EFL1: variants seen among roughly 807,000 people sequenced by gnomAD.
EFL1 encodes elongation factor-like GTPase 1.
A neutral mutation model predicts 126.7 loss-of-function variants in EFL1; 76 were observed. That is an observed-to-expected ratio of 0.60 (90% CI 0.50 to 0.73). The LOEUF (loss-of-function observed/expected upper bound fraction) is 0.73, where lower values mean the gene tolerates loss of function less well. Among genes scored for constraint, EFL1 ranks in the 30% least tolerant of loss-of-function variants. The probability of loss-of-function intolerance (pLI) is 0.00; values close to 1 mark genes in which losing one functional copy is unlikely to be tolerated. For synonymous variants in EFL1, 410 were observed against 448.4 expected (o/e 0.91, Z 1.08); for missense variants, 1,128 against 1,343.2 (o/e 0.84, Z 2.50).
intron 19 of EFL1, among the ~76,000 whole-genome samples, chr15:82,131,115 G>A (rs2073638228): frequency 1.3e-5 from 2 of 152,038 alleles, no homozygotes; most frequent in South Asian, 2.1e-4. Context: ...TGCTCCTAGC[G>A]CCAGTTCATA....
intron 18 of EFL1, among the ~76,000 whole-genome samples, chr15:82,144,026 A>G (rs1423461623): frequency 6.6e-6 from 1 of 152,120 alleles, no homozygotes; most frequent in Non-Finnish European, 1.5e-5. Flanking sequence ...TGTTAAACCA[A>G]CCAAGTGTCC....
chr15:82,151,468 G>C lies in EFL1; in HGVS notation c.2986C>G (p.Leu996Val), dbSNP rs753483096. The C allele has an allele frequency of 1.7e-5, 28 of 1,605,474 alleles. No homozygotes were observed. Among genetic ancestry groups the C allele is most frequent in the Non-Finnish European group, 2.2e-5 (26 of 1,176,566 alleles). Residue 996 changes from leucine to valine, a missense_variant, in exon 18 of 20, where the codon CTC (leucine) becomes GTC (valine). Leu to Val is a conservative substitution (Grantham distance 32). Around this residue, in one of 6 missense-constraint regions of EFL1, gnomAD observed 561 missense variants for 641.7 expected, o/e 0.87. Coordinates refer to ENST00000268206, the MANE Select transcript of EFL1 (RefSeq NM_024580.6). ...TCDIMATGDV[L>V]GRVYAVLSKR... ...ATCTTTACCTTTTCTTCCTTACCGA[G>C]AACATCACCAGTGGCCATGATGTCA... is the stretch of plus-strand genomic sequence containing the variant.
chr15:82,217,643 C>T (rs2074664755), intron 14 of EFL1, among the ~76,000 whole-genome samples: 1 of 151,932 alleles, frequency 6.6e-6, no homozygotes, highest in Admixed American at 6.6e-5. Context: ...GGTTGTAAAA[C>T]TATAAAGAAA....
chr15:82,168,823 A>C (rs1375722296), intron 15 of EFL1, among the ~76,000 whole-genome samples: 1 of 152,350 alleles, frequency 6.6e-6, no homozygotes, highest in African/African-American at 2.4e-5. Context: ...ATATTACTTC[A>C]AGATCTGTGG....
chr15:82,204,072 A>AT (rs1320196109), intron 15 of EFL1, among the ~76,000 whole-genome samples: 11 of 152,290 alleles, frequency 7.2e-5, no homozygotes, highest in African/African-American at 1.4e-4. Context: ...ACACTGTCAG[A>AT]TTTTAACATT....
At position 82,238,289 on chromosome 15, in the gene EFL1, A is replaced by T; in HGVS notation, c.731+18T>A. On this transcript the variant is annotated intron_variant, in intron 7 of 19. Coordinates refer to ENST00000268206, the MANE Select transcript of EFL1 (RefSeq NM_024580.6). Reference sequence around the variant, plus strand: ...ATAAAATCTGCAAAGAGATTTAATCAGATGCAAACAGACTTACCCAAAGCC... The same window carrying T: ...ATAAAATCTGCAAAGAGATTTAATCTGATGCAAACAGACTTACCCAAAGCC... 6.2e-7 allele frequency: 1 copy of T among 1,609,424 alleles called. No individual in the cohort carries two copies.
intron 15 of EFL1, among the ~76,000 whole-genome samples, chr15:82,205,377 C>T (rs2074513841): frequency 6.6e-6 from 1 of 152,200 alleles, no homozygotes; most frequent in Admixed American, 6.5e-5. Context: ...CTGTCCAAAA[C>T]CTTCCTTCTT....
chr15:82,248,069 T>C (rs2074989599), intron 4 of EFL1, among the ~76,000 whole-genome samples: 1 of 152,060 alleles, frequency 6.6e-6, no homozygotes, highest in Admixed American at 6.5e-5. Context: ...TGTCTTCACC[T>C]CTCTGAACTC....
chr15:82,143,180 AG>A (rs1462554398), intron 18 of EFL1, among the ~76,000 whole-genome samples: 2 of 152,250 alleles, frequency 1.3e-5, no homozygotes, highest in African/African-American at 4.8e-5. Flanking sequence ...CAGAATAATA[AG>A]TAAACTGTAT....
chr15:82,228,308 T>C lies in EFL1; in HGVS notation c.952A>G (p.Lys318Glu). The C allele has an allele frequency of 6.2e-7, 1 of 1,613,864 alleles. No homozygotes were observed. Among genetic ancestry groups the C allele is most frequent in the Non-Finnish European group, 8.5e-7 (1 of 1,179,882 alleles). ...TTTAATCCTAAAGAAGTCACTATTT[T>C]ATCAATTTTGTCTTTGTCCCTGTGG... ...VLKKDKDKID[K>E]IVTSLGLKIG... is the part of the protein sequence containing the mutation. Residue 318 changes from lysine (K) to glutamate (E), a missense_variant, in exon 10 of 20, where the codon AAA (lysine) becomes GAA (glutamate). Transcript: ENST00000268206.
At chr15:82,197,991 G>A (rs1432213960) in intron 15 of EFL1, among the ~76,000 whole-genome samples, 2 of 152,184 alleles carry the variant, frequency 1.3e-5, no homozygotes, top group African/African-American at 2.4e-5. Flanking sequence ...TTGTGTTAAC[G>A]AAACTGTAGC....
intron 15 of EFL1, among the ~76,000 whole-genome samples, chr15:82,210,566 T>C (rs1275051854): frequency 2.0e-5 from 3 of 151,928 alleles, no homozygotes; most frequent in African/African-American, 7.3e-5. Flanking sequence ...GCCATCTCAA[T>C]AGACACCACG....
intron 2 of EFL1, among the ~76,000 whole-genome samples, chr15:82,259,745 G>A (rs545233295): frequency 6.6e-6 from 1 of 152,280 alleles, no homozygotes; most frequent in South Asian, 2.1e-4. Flanking sequence ...AGAATGTCAG[G>A]GGTATGCATA....
intron 18 of EFL1, 136 bp downstream of exon 18, chr15:82,151,329 A>G (rs1470381375): frequency 5.0e-6 from 4 of 799,942 alleles, no homozygotes; most frequent in African/African-American, 1.7e-5. Context: ...CAGAGGTTGC[A>G]GTGAGCCGAG....
At chr15:82,170,366 G>A (rs986638603) in intron 15 of EFL1, among the ~76,000 whole-genome samples, 42 of 151,816 alleles carry the variant, frequency 2.8e-4, no homozygotes, top group African/African-American at 7.5e-4. Context: ...CGCCCGCCTC[G>A]GCCTCCCAAA....
At chr15:82,154,925 T>C (rs1172475087) in intron 17 of EFL1, among the ~76,000 whole-genome samples, 1 of 152,144 alleles carries the variant, frequency 6.6e-6, no homozygotes, top group Non-Finnish European at 1.5e-5. Flanking sequence ...CCTGCCCGAT[T>C]AATTTATTTT....
At chr15:82,159,829 G>A (rs1284637625) in intron 16 of EFL1, 6 of 152,190 alleles carry the variant, frequency 3.9e-5, no homozygotes, top group African/African-American at 1.2e-4. Context: ...GGAAGCCAAC[G>A]AATCATTCTT....
chr15:82,161,561 A>C (rs1008978975), intron 16 of EFL1, among the ~76,000 whole-genome samples: 1 of 152,230 alleles, frequency 6.6e-6, no homozygotes, highest in African/African-American at 2.4e-5. Context: ...CAGTCAATAA[A>C]TGCAAGGTAA....
At chr15:82,195,580 G>A (rs2074400143) in intron 15 of EFL1, among the ~76,000 whole-genome samples, 1 of 152,160 alleles carries the variant, frequency 6.6e-6, no homozygotes. Context: ...CTCTCTTTGT[G>A]ATTTGCTGTC....
Sources: gnomAD v4.1 joint callset for allele counts (sites outside exome capture counted in the v4.1 genomes callset) on GRCh38, gnomAD v4.1.1 for gene constraint, gnomAD v4.1.1 regional missense constraint, MANE v1.5 for transcripts, NCBI Gene and HGNC (gene_info 2026-07-23, HGNC 2026-07-21) for gene names.